The following TC2N variants were observed in gnomAD, a reference collection of about 807,000 sequenced individuals.
TC2N encodes tandem C2 domains nuclear protein.
Under a neutral mutation model 61.9 loss-of-function variants are expected in TC2N, and 51 were observed. The ratio of observed to expected loss-of-function variants is 0.82; its 90% confidence interval spans 0.66 to 1.04. TC2N has a LOEUF of 1.04. Ranked by LOEUF, TC2N falls within the 50% of genes least tolerant of loss-of-function variation. The pLI is 0.00. For synonymous variants in TC2N, 204 were observed against 192.6 expected (o/e 1.06, Z -0.49); for missense variants, 556 against 566.7 (o/e 0.98, Z 0.19).
rs767299297 is a variant in TC2N at position 91,800,272 on chromosome 14, A to G, written c.561+9T>C. 3.3e-6 allele frequency: 5 copies of G among 1,534,790 alleles called. No homozygotes were observed. The highest frequency in any genetic ancestry group is 4.6e-5 in the East Asian group (2 of 43,550). On this transcript the variant is annotated intron_variant, in intron 5 of 11. Transcript: ENST00000435962. Reference sequence around the variant, plus strand: ...ATCACATATAATTAAATTTATGTAGATAATTCACCTGGATGAATCGCTGAG... The same window carrying G: ...ATCACATATAATTAAATTTATGTAGGTAATTCACCTGGATGAATCGCTGAG...
Position 91,798,414 on chromosome 14 carries a change from G to A in TC2N, c.638-15C>T, listed in dbSNP as rs1327499519. On this transcript the variant is annotated splice_polypyrimidine_tract_variant and intron_variant, in intron 6 of 11. Coordinates refer to ENST00000435962, the MANE Select transcript of TC2N (RefSeq NM_001128596.3). ...AGTAATTGTATCTGAATTATAAAAG[G>A]ACAAAGATGTTTCAAATGCCATGCA... is the stretch of plus-strand genomic sequence containing the variant. 1.4e-6 allele frequency: 2 copies of A among 1,404,876 alleles called. No individual in the cohort carries two copies. The highest frequency in any genetic ancestry group is 3.9e-5 in the Admixed American group (2 of 51,130). The allele number at this position is 1,404,876 out of a possible 1,614,324, so 87.0% of individuals were successfully genotyped here.
At chr14:91,801,783 T>C (rs1055947178) in intron 4 of TC2N, among the ~76,000 whole-genome samples, 3 of 152,226 alleles carry the variant, frequency 2.0e-5, no homozygotes, top group African/African-American at 4.8e-5. Flanking sequence ...TCTCTTTTGT[T>C]ATATGTATTT....
chr14:91,805,269 T>G (rs911785045), intron 3 of TC2N, among the ~76,000 whole-genome samples: 1 of 152,146 alleles, frequency 6.6e-6, no homozygotes, highest in African/African-American at 2.4e-5. Flanking sequence ...AAGTTTTTAA[T>G]AGAAAAAAGC....
intron 9 of TC2N, among the ~76,000 whole-genome samples, chr14:91,791,771 T>C (rs1408702880): frequency 1.3e-5 from 2 of 151,236 alleles, no homozygotes; most frequent in East Asian, 1.9e-4. Flanking sequence ...AAAAAAAAGG[T>C]TATTCATACT....
rs1443675934 is a variant in TC2N at position 91,785,237 on chromosome 14, C to A, written c.1287G>T (p.Gln429His). 6.2e-7 allele frequency: 1 copy of A among 1,613,146 alleles called. No individual in the cohort carries two copies. Among genetic ancestry groups the A allele is most frequent in the Non-Finnish European group, 8.5e-7 (1 of 1,179,268 alleles). ...TGAGAAAAACAATTTCTTTTTCACT[C>A]TGTATAAGTGGAAAAATCATAGTCT... is the stretch of plus-strand genomic sequence containing the variant. Reference protein sequence around the residue: ...WGETMIFPLIQSEKEIVFLIK... With the variant: ...WGETMIFPLIHSEKEIVFLIK... Residue 429 changes from glutamine (Q) to histidine (H), a missense_variant, in exon 11 of 12, where the codon CAG becomes CAT. By Grantham distance (24) the Gln-to-His change is conservative. Coordinates refer to ENST00000435962, the MANE Select transcript of TC2N (RefSeq NM_001128596.3).
intron 1 of TC2N, among the ~76,000 whole-genome samples, chr14:91,850,086 G>A (rs1304204491): frequency 3.3e-5 from 5 of 150,998 alleles, no homozygotes; most frequent in African/African-American, 1.2e-4. Flanking sequence ...TAAAAAATGG[G>A]ATTTAGAGGC....
In TC2N at chr14:91,781,278, G is replaced by C. The variant is rs955732992; in HGVS notation, c.*1822C>G. ...CATTAAAATAGTTGCATTTGCAGAG[G>C]ATGTTTAGGGCAGCGAAACTATACT... On this transcript the variant is annotated 3_prime_UTR_variant, in exon 12 of 12. Transcript: ENST00000435962. The C allele has an allele frequency of 6.6e-6, 1 of 152,008 alleles. No individual in the cohort carries two copies. Among genetic ancestry groups the C allele is most frequent in the African/African-American group, 2.4e-5 (1 of 41,408 alleles). 9.4% of individuals were successfully genotyped at this position (152,008 alleles called of 1,614,324 possible). A position where few individuals can be genotyped will look rare whatever the true frequency, so the allele number is the denominator to read the frequency against.
intron 1 of TC2N, among the ~76,000 whole-genome samples, chr14:91,832,027 A>C (rs1887794282): frequency 6.6e-6 from 1 of 152,218 alleles, no homozygotes; most frequent in Non-Finnish European, 1.5e-5. Flanking sequence ...GGAGAAAAAG[A>C]AATGTGCCAC....
At chr14:91,791,799 G>C (rs1885669416) in intron 9 of TC2N, among the ~76,000 whole-genome samples, 1 of 151,984 alleles carries the variant, frequency 6.6e-6, no homozygotes. Flanking sequence ...TATTTCCCTT[G>C]AAGTATAAAA....
At chr14:91,847,032 C>T (rs761090523) in intron 1 of TC2N, among the ~76,000 whole-genome samples, 1 of 152,136 alleles carries the variant, frequency 6.6e-6, no homozygotes, top group Non-Finnish European at 1.5e-5. Context: ...CCGAGGCAGG[C>T]GGATCACCTG....
At chr14:91,812,144 T>A (rs1383507697) in intron 3 of TC2N, 168 bp downstream of exon 3, 35 of 350,960 alleles carry the variant, frequency 1.0e-4, no homozygotes, top group Non-Finnish European at 1.1e-4. Context: ...GATTTCAAAA[T>A]GGGACCTTTC....
intron 1 of TC2N, among the ~76,000 whole-genome samples, chr14:91,858,252 A>C (rs1418598089): frequency 1.4e-5 from 2 of 147,310 alleles, no homozygotes; most frequent in Non-Finnish European, 3.0e-5. Flanking sequence ...TCAGCCTCCC[A>C]AAGTGCTGAG....
At chr14:91,821,941 A>T (rs1213313541) in intron 1 of TC2N, among the ~76,000 whole-genome samples, 1 of 152,172 alleles carries the variant, frequency 6.6e-6, no homozygotes, top group Non-Finnish European at 1.5e-5. Context: ...GCAAATTAAA[A>T]CTATAAAAAG....
rs2139905945 is a variant in TC2N, at chr14:91,837,150, T to C, written c.-56-23325A>G. On this transcript the variant is annotated intron_variant, in intron 1 of 11. Transcript: ENST00000435962. This position sits in a 1 kb window ranked among gnomAD's most constrained non-coding sequence, Gnocchi z 4.2. ...GGGGCCTGGCCCTTTTCTCTGGGCTTCCTTGGTGGAAATCTCAACACTGCT... is the reference window on the plus strand; with the variant it reads ...GGGGCCTGGCCCTTTTCTCTGGGCTCCCTTGGTGGAAATCTCAACACTGCT... Among the ~76,000 whole-genome samples, 1 of 152,346 alleles carries C rather than the reference T, an allele frequency of 6.6e-6. No individual in the cohort carries two copies. The highest frequency in any genetic ancestry group is 2.4e-5 in the African/African-American group (1 of 41,578).
rs2139815323 is a variant in TC2N at position 91,782,354 on chromosome 14, A to AT, written c.*745dup. The AT allele has an allele frequency of 6.6e-6, 1 of 152,158 alleles. No individual in the cohort carries two copies. The highest frequency in any genetic ancestry group is 2.4e-5 in the African/African-American group (1 of 41,560). The allele number at this position is 152,158 out of a possible 1,614,324, so 9.4% of individuals were successfully genotyped here. On this transcript the variant is annotated 3_prime_UTR_variant, in exon 12 of 12. Coordinates refer to ENST00000435962, the MANE Select transcript of TC2N (RefSeq NM_001128596.3). ...GATGGACCATATGGATGATACTCTT[A>AT]TTTTAACTCCAAATAAAACAAATAG...
intron 8 of TC2N, among the ~76,000 whole-genome samples, chr14:91,797,208 TAGTG>T (rs748995161): frequency 5.9e-5 from 9 of 152,074 alleles, no homozygotes; most frequent in Admixed American, 2.0e-4. Context: ...CTATGATTAA[TAGTG>T]AGAAGAAACT....
chr14:91,832,419 T>TA (rs1206001751), intron 1 of TC2N, among the ~76,000 whole-genome samples: 6 of 145,466 alleles, frequency 4.1e-5, no homozygotes, highest in African/African-American at 1.3e-4. Context: ...TGTTTTAAAG[T>TA]AAAAAAACAA....
chr14:91,829,201 T>G (rs1166921881), intron 1 of TC2N, among the ~76,000 whole-genome samples: 1 of 152,076 alleles, frequency 6.6e-6, no homozygotes, highest in Non-Finnish European at 1.5e-5. Flanking sequence ...TACGGATTGG[T>G]GTCTTTCCTC....
intron 1 of TC2N, among the ~76,000 whole-genome samples, chr14:91,821,766 T>C (rs973223580): frequency 3.3e-5 from 5 of 151,996 alleles, no homozygotes; most frequent in Non-Finnish European, 5.9e-5. Context: ...AAAATATGGA[T>C]TATATCCAGC....
Sources: allele counts gnomAD v4.1 joint callset (sites outside exome capture counted in the v4.1 genomes callset), GRCh38; gene constraint gnomAD v4.1.1; non-coding constraint Gnocchi (gnomAD v3.1); transcripts MANE v1.5; gene names NCBI Gene and HGNC (gene_info 2026-07-23, HGNC 2026-07-21).